The following MAP2 variants were observed in gnomAD, a reference collection of about 807,000 sequenced individuals.
MAP2 encodes microtubule associated protein 2, also known as microtubule-associated protein 2.
A neutral mutation model predicts 137.6 loss-of-function variants in MAP2; 14 were observed. The ratio of observed to expected loss-of-function variants is 0.10; its 90% CI spans 0.07 to 0.16. MAP2 has a LOEUF of 0.16. Ranked by LOEUF, MAP2 falls within the 10% of genes least tolerant of loss-of-function variation. MAP2 has a pLI of 1.00. For missense variants in MAP2, 2,088 were observed against 2,191.5 expected, an observed-to-expected ratio of 0.95 and a Z score of 0.94; for synonymous variants, 786 against 782.3, an observed-to-expected ratio of 1.00 and a Z score of -0.08.
chr2:209,454,834 T>A (rs1701170014), intron 1 of MAP2, among the ~76,000 whole-genome samples: 1 of 152,176 alleles, frequency 6.6e-6, no homozygotes, highest in Non-Finnish European at 1.5e-5. Flanking sequence ...TCTGTCTTAG[T>A]CAACTTTGGC....
chr2:209,645,834 T>A (rs1267775853), intron 4 of MAP2, among the ~76,000 whole-genome samples: 1 of 152,202 alleles, frequency 6.6e-6, no homozygotes, highest in African/African-American at 2.4e-5. Context: ...ATTAAAATTC[T>A]TGGGAATAAA....
intron 2 of MAP2, among the ~76,000 whole-genome samples, chr2:209,561,511 G>A (rs80285003): frequency 1.1e-4 from 16 of 152,120 alleles, no homozygotes; most frequent in Admixed American, 9.8e-4. Context: ...TCTGAGTCTC[G>A]ACCTGCTCAC....
chr2:209,491,910 A>C (rs958908084), intron 1 of MAP2, among the ~76,000 whole-genome samples: 3 of 152,218 alleles, frequency 2.0e-5, no homozygotes, highest in African/African-American at 4.8e-5. Flanking sequence ...ATTCCAAACA[A>C]TAAAAAAAGA....
rs1189028486 is a variant in MAP2 at position 209,516,061 on chromosome 2, C to G, written c.-172+8420C>G. 2.6e-5 allele frequency among the ~76,000 whole-genome samples: 4 copies of G among 152,104 alleles called. No individual in the cohort carries two copies. In the East Asian group the frequency reaches 7.7e-4, roughly 29 times the overall value. On this transcript the variant is annotated intron_variant, in intron 2 of 15. Transcript: ENST00000682079. ...CCTCCCACCTCAGCCTCTCAAAGTGCTGAGATTACAGGCGTGAGCCACTGC... is the reference window on the plus strand; with the variant it reads ...CCTCCCACCTCAGCCTCTCAAAGTGGTGAGATTACAGGCGTGAGCCACTGC...
At chr2:209,492,244 T>G (rs757090337) in intron 1 of MAP2, among the ~76,000 whole-genome samples, 19 of 152,180 alleles carry the variant, frequency 1.2e-4, no homozygotes, top group Admixed American at 2.0e-4. Flanking sequence ...CAAAACCCCT[T>G]CATGCTAAAA....
chr2:209,638,168 C>T (rs2093717804), intron 4 of MAP2, among the ~76,000 whole-genome samples: 1 of 152,060 alleles, frequency 6.6e-6, no homozygotes. Context: ...TCATACCCCT[C>T]CAGAAGTTTG....
chr2:209,540,344 A>G (rs2066729332), intron 2 of MAP2, among the ~76,000 whole-genome samples: 1 of 151,914 alleles, frequency 6.6e-6, no homozygotes, highest in Admixed American at 6.6e-5. Context: ...AATGAAAATC[A>G]CAGCACTGGC....
At chr2:209,645,198 A>G (rs16843329) in intron 4 of MAP2, among the ~76,000 whole-genome samples, 21,411 of 152,184 alleles carry the variant, frequency 0.14, 1,945 homozygotes, top group African/African-American at 0.25. Context: ...TCCATGTGCA[A>G]TATTCAGGCA....
intron 5 of MAP2, among the ~76,000 whole-genome samples, chr2:209,655,041 C>A (rs2095055718): frequency 6.6e-6 from 1 of 152,192 alleles, no homozygotes; most frequent in African/African-American, 2.4e-5. Flanking sequence ...ACACCATTCA[C>A]TATTTCATCT....
Position 209,668,925 on chromosome 2 carries a change from A to G in MAP2, c.263-9647A>G, listed in dbSNP as rs550580060. 3.3e-5 allele frequency among the ~76,000 whole-genome samples: 5 copies of G among 152,128 alleles called. No individual in the cohort carries two copies. The South Asian group carries it at 1.0e-3, about 31-fold the overall frequency. ...AATTGATTTCACTGTACTTCCCCCC[A>G]TAAGATTACTGAAACATGATTATCT... On this transcript the variant is annotated intron_variant, in intron 5 of 15. Transcript: ENST00000682079.
intron 1 of MAP2, among the ~76,000 whole-genome samples, chr2:209,474,074 T>C (rs1382619648): frequency 1.3e-5 from 2 of 152,168 alleles, no homozygotes; most frequent in African/African-American, 4.8e-5. Flanking sequence ...ATTGAACCGA[T>C]CTGAGGAGGC....
In MAP2 at chr2:209,425,767, G is replaced by A. The variant is rs1379181398; in HGVS notation, c.-222+1491G>A. Among the ~76,000 whole-genome samples the A allele has an allele frequency of 3.3e-5, 5 of 152,282 alleles. No individual in the cohort carries two copies. In the East Asian group the frequency reaches 9.7e-4, roughly 29 times the overall value. On this transcript the variant is annotated intron_variant, in intron 1 of 15. Coordinates refer to ENST00000682079, the MANE Select transcript of MAP2 (RefSeq NM_001375505.1). ...TCTTTCACTATGTCATTTCACTGTG[G>A]ACAATTATGATTTTTTTTGGCAGTC...
At chr2:209,681,199 G>A (rs1222097972) in intron 7 of MAP2, among the ~76,000 whole-genome samples, 1 of 152,054 alleles carries the variant, frequency 6.6e-6, no homozygotes, top group Admixed American at 6.6e-5. Context: ...ATAATAGTAG[G>A]GGTCAGATTT....
chr2:209,698,007 ATTT>A (rs35758041), intron 10 of MAP2, among the ~76,000 whole-genome samples: 2 of 144,760 alleles, frequency 1.4e-5, no homozygotes, highest in Admixed American at 6.9e-5. Flanking sequence ...CACCCAGCTA[ATTT>A]TTTTTTTTTT....
intron 2 of MAP2, among the ~76,000 whole-genome samples, chr2:209,536,889 T>C (rs1471850760): frequency 3.3e-5 from 5 of 152,212 alleles, no homozygotes. Flanking sequence ...TTCCATCCTA[T>C]TGGGTTGCAT....
At chr2:209,565,791 C>T (rs2073277103) in intron 2 of MAP2, among the ~76,000 whole-genome samples, 1 of 152,136 alleles carries the variant, frequency 6.6e-6, no homozygotes, top group African/African-American at 2.4e-5. Flanking sequence ...GGCATCATTT[C>T]CCAGTGAAAT....
intron 7 of MAP2, chr2:209,690,486 C>A: frequency 2.8e-6 from 2 of 709,960 alleles, no homozygotes; most frequent in African/African-American, 1.9e-5. Flanking sequence ...AATAAAAAAA[C>A]AGCTGAGGTC....
rs545197725 is a variant in MAP2 at position 209,458,920 on chromosome 2, A to G, written c.-222+34644A>G. Among the ~76,000 whole-genome samples, 206 of 152,284 alleles carry G rather than the reference A, an allele frequency of 1.4e-3. 1 individual carries two copies. Among genetic ancestry groups the G allele is most frequent in the African/African-American group, 4.7e-3 (194 of 41,576 alleles). ...GAGATGATACTTATATGTAGCTTATAGGGCTGTTGGGGAGATCGCATGATT... is the reference window on the plus strand; with the variant it reads ...GAGATGATACTTATATGTAGCTTATGGGGCTGTTGGGGAGATCGCATGATT... On this transcript the variant is annotated intron_variant, in intron 1 of 15. Transcript: ENST00000682079.
intron 1 of MAP2, among the ~76,000 whole-genome samples, chr2:209,472,603 A>C (rs748664692): frequency 1.3e-5 from 2 of 152,184 alleles, no homozygotes; most frequent in Non-Finnish European, 2.9e-5. Flanking sequence ...TTGAGTGTTG[A>C]AATACCTCTT....
Sources: allele counts gnomAD v4.1 joint callset (sites outside exome capture counted in the v4.1 genomes callset), GRCh38; gene constraint gnomAD v4.1.1; transcripts MANE v1.5; gene names NCBI Gene and HGNC (gene_info 2026-07-23, HGNC 2026-07-21).